FSIP2: variants seen among roughly 807,000 people sequenced by gnomAD.
FSIP2 encodes the protein fibrous sheath-interacting protein 2.
Under a neutral mutation model 510.5 loss-of-function variants are expected in FSIP2, and 367 were observed. The ratio of observed to expected loss-of-function variants is 0.72; its 90% CI spans 0.66 to 0.78. FSIP2 has a LOEUF of 0.78. FSIP2 is among the 30% of genes least tolerant of loss of function. The probability of loss-of-function intolerance (pLI) is 0.00; values close to 1 mark genes in which losing one functional copy is unlikely to be tolerated. For synonymous variants in FSIP2, 2,601 were observed against 2,732.2 expected, an observed-to-expected ratio of 0.95 and a Z score of 1.50; for missense variants, 7,594 against 7,901.7, an observed-to-expected ratio of 0.96 and a Z score of 1.48.
At chr2:185,818,543 A>T (rs1693863531) in intron 19 of FSIP2, among the ~76,000 whole-genome samples, 1 of 151,846 alleles carries the variant, frequency 6.6e-6, no homozygotes. Context: ...CTGTCAGAAG[A>T]CAAAGATAAT....
At chr2:185,754,438 T>C (rs1164191303) in intron 8 of FSIP2, among the ~76,000 whole-genome samples, 1 of 151,486 alleles carries the variant, frequency 6.6e-6, no homozygotes, top group East Asian at 1.9e-4. Flanking sequence ...AGAAACTGAT[T>C]ATTTTCCATG....
At chr2:185,756,066 C>A in intron 8 of FSIP2, 126 bp from the exon 9 acceptor site, 1 of 361,058 alleles carries the variant, frequency 2.8e-6, no homozygotes, top group Non-Finnish European at 5.0e-6. Flanking sequence ...CAATTTTTCT[C>A]GCAATCCCAC....
intron 16 of FSIP2, among the ~76,000 whole-genome samples, chr2:185,798,823 T>C (rs1693358894): frequency 6.6e-6 from 1 of 151,848 alleles, no homozygotes; most frequent in Non-Finnish European, 1.5e-5. Context: ...ATTCCTATTC[T>C]CAGACATCTC....
chr2:185,802,683 A>T lies in FSIP2; in HGVS notation c.13377A>T (p.Leu4459=). Residue 4459 remains leucine (L), a synonymous_variant, in exon 17 of 23, where the codon CTA becomes CTT. Coordinates refer to ENST00000424728, the MANE Select transcript of FSIP2 (RefSeq NM_173651.4). ...CTGAGCCAAGCCAGAGTGTACCTCT[A>T]TATAACACCTTGCTGCCATACACAT... The part of the protein sequence containing the change: ...KSTEPSQSVP[L]YNTLLPYTFL... The T allele has an allele frequency of 2.0e-6, 3 of 1,531,586 alleles. No individual in the cohort carries two copies. The highest frequency in any genetic ancestry group is 2.6e-6 in the Non-Finnish European group (3 of 1,144,696). 94.9% of individuals were successfully genotyped at this position (1,531,586 alleles called of 1,614,324 possible).
intron 20 of FSIP2, among the ~76,000 whole-genome samples, chr2:185,825,480 T>G (rs1473748032): frequency 1.3e-5 from 2 of 151,706 alleles, no homozygotes; most frequent in Non-Finnish European, 2.9e-5. Flanking sequence ...GGGTATAATA[T>G]TCACTATTTG....
chr2:185,788,956 A>C lies in FSIP2; in HGVS notation c.1820A>C (p.Glu607Ala), dbSNP rs1304896012. 3.3e-6 allele frequency: 5 copies of C among 1,534,866 alleles called. No homozygotes were observed. The South Asian group carries it at 3.6e-5, about 11-fold the overall frequency. The change falls in exon 16 of 23, where the codon GAA (glutamate) becomes GCA (alanine). Residue 607 changes from glutamate to alanine, a missense_variant. Coordinates refer to ENST00000424728, the MANE Select transcript of FSIP2 (RefSeq NM_173651.4). ...ATAAAACCTCCTCCTGCACATGTGG[A>C]AAAAACAGTTGTGGGGAAAACATGT... Reference protein sequence around the residue: ...TPIKPPPAHVEKTVVGKTCHI... With the variant: ...TPIKPPPAHVAKTVVGKTCHI...
chr2:185,739,584 A>G (rs1384048564), intron 2 of FSIP2, 113 bp downstream of exon 2: 3 of 1,008,630 alleles, frequency 3.0e-6, no homozygotes, highest in African/African-American at 3.3e-5. Context: ...ATTTACAGGA[A>G]AAAGAAAATC....
Position 185,806,760 on chromosome 2 carries a change from G to T in FSIP2, c.17454G>T (p.Lys5818Asn). ...IQDRCQNVSD[K>N]QNQAKLYDTA... Reference sequence around the variant, plus strand: ...ATAGATGTCAAAATGTTAGTGATAAGCAAAATCAAGCCAAACTCTATGACA... The same window carrying T: ...ATAGATGTCAAAATGTTAGTGATAATCAAAATCAAGCCAAACTCTATGACA... Residue 5818 changes from lysine to asparagine, a missense_variant, in exon 17 of 23, where the codon AAG becomes AAT. Physicochemically the swap from Lys to Asn is moderately conservative, Grantham distance 94. Transcript: ENST00000424728. 1.2e-6 allele frequency: 2 copies of T among 1,611,606 alleles called. No individual in the cohort carries two copies. The highest frequency in any genetic ancestry group is 1.7e-6 in the Non-Finnish European group (2 of 1,178,562).
At position 185,813,714 on chromosome 2, in the gene FSIP2, A is replaced by G; in HGVS notation, c.19997A>G (p.Asp6666Gly). The change falls in exon 18 of 23, where the codon GAT becomes GGT. Residue 6666 changes from aspartate (D) to glycine (G), a missense_variant. Coordinates refer to ENST00000424728, the MANE Select transcript of FSIP2 (RefSeq NM_173651.4). ...AAAGAGGAACGAGATTCTGATGAAG[A>G]TGAAGTTGTTTTAACACAGACTTTT... ...YIKEERDSDEDEVVLTQTFAK... is the reference protein window; with the variant it reads ...YIKEERDSDEGEVVLTQTFAK... The G allele has an allele frequency of 6.2e-7, 1 of 1,610,806 alleles. No individual in the cohort carries two copies. The highest frequency in any genetic ancestry group is 8.5e-7 in the Non-Finnish European group (1 of 1,178,172).
In FSIP2 at chr2:185,793,996, C is replaced by A; in HGVS notation, c.6860C>A (p.Pro2287Gln). The A allele has an allele frequency of 6.5e-7, 1 of 1,532,962 alleles. No homozygotes were observed. The highest frequency in any genetic ancestry group is 8.7e-7 in the Non-Finnish European group (1 of 1,144,844). The allele number at this position is 1,532,962 out of a possible 1,614,324, so 95.0% of individuals were successfully genotyped here. Reference sequence around the variant, plus strand: ...AGTAAAGAAAAGTCATTTGTTATCCCAGAATTGGAAAATTGTAAACAAAAT... The same window carrying A: ...AGTAAAGAAAAGTCATTTGTTATCCAAGAATTGGAAAATTGTAAACAAAAT... ...FQSKEKSFVI[P>Q]ELENCKQNDS... The change falls in exon 16 of 23, where the codon CCA becomes CAA. Residue 2287 changes from proline to glutamine, a missense_variant. By Grantham distance (76) the Pro-to-Gln change is moderately conservative. Coordinates refer to ENST00000424728, the MANE Select transcript of FSIP2 (RefSeq NM_173651.4).
At chr2:185,779,203 T>C (rs1692791207) in intron 13 of FSIP2, among the ~76,000 whole-genome samples, 1 of 152,062 alleles carries the variant, frequency 6.6e-6, no homozygotes, top group Admixed American at 6.5e-5. Context: ...GGAAGTTTTC[T>C]ACTGCCTTAT....
Position 185,789,505 on chromosome 2 carries a change from T to C in FSIP2, c.2369T>C (p.Leu790Ser), listed in dbSNP as rs750647506. The change falls in exon 16 of 23, where the codon TTA (leucine) becomes TCA (serine). Residue 790 changes from leucine (L) to serine (S), a missense_variant. Physicochemically the swap from Leu to Ser is moderately radical, Grantham distance 145. Coordinates refer to ENST00000424728, the MANE Select transcript of FSIP2 (RefSeq NM_173651.4). Reference protein sequence around the residue: ...QDLSVDIKPSLAASDELLTSS... With the variant: ...QDLSVDIKPSSAASDELLTSS... Reference sequence around the variant, plus strand: ...TTGTCAGTCGACATTAAACCAAGTTTAGCAGCCAGTGATGAACTTCTCACA... The same window carrying C: ...TTGTCAGTCGACATTAAACCAAGTTCAGCAGCCAGTGATGAACTTCTCACA... 1 of 1,534,642 alleles carries C rather than the reference T, an allele frequency of 6.5e-7. No homozygotes were observed. The highest frequency in any genetic ancestry group is 1.2e-5 in the South Asian group (1 of 84,030).
At chr2:185,747,606 C>T (rs1692059716) in intron 7 of FSIP2, among the ~76,000 whole-genome samples, 183 bp downstream of exon 7, 1 of 151,934 alleles carries the variant, frequency 6.6e-6, no homozygotes, top group African/African-American at 2.4e-5. Context: ...AAGTACTGCT[C>T]TATTATGTGA....
At chr2:185,769,213 G>A (rs1424696826) in intron 13 of FSIP2, among the ~76,000 whole-genome samples, 1 of 152,028 alleles carries the variant, frequency 6.6e-6, no homozygotes, top group South Asian at 2.1e-4. Context: ...ATCATCACAC[G>A]ACTTTCCACA....
In FSIP2 at chr2:185,812,386, C is replaced by T. The variant is rs538820179; in HGVS notation, c.19828-1159C>T. Among the ~76,000 whole-genome samples, 628 of 152,206 alleles carry T rather than the reference C, an allele frequency of 4.1e-3. 5 individuals carry two copies. Among genetic ancestry groups the T allele is most frequent in the African/African-American group, 0.015 (604 of 41,572 alleles). On this transcript the variant is annotated intron_variant, in intron 17 of 22. Coordinates refer to ENST00000424728, the MANE Select transcript of FSIP2 (RefSeq NM_173651.4). Reference sequence around the variant, plus strand: ...CTCCCGTTTCAAACATGAATGTTTGCCCAATGCCTGTACCTCCATTGTATC... The same window carrying T: ...CTCCCGTTTCAAACATGAATGTTTGTCCAATGCCTGTACCTCCATTGTATC...
Position 185,801,596 on chromosome 2 carries a change from A to C in FSIP2, c.12290A>C (p.Lys4097Thr). 2 of 1,534,036 alleles carry C rather than the reference A, an allele frequency of 1.3e-6. No homozygotes were observed. Among genetic ancestry groups the C allele is most frequent in the Non-Finnish European group, 1.7e-6 (2 of 1,145,534 alleles). ...ILDYKLPSCF[K>T]EHLIPHSYYP... ...GACTACAAACTGCCATCTTGCTTCA[A>C]GGAACATCTCATACCCCATTCATAT... is the stretch of plus-strand genomic sequence containing the variant. The change falls in exon 17 of 23, where the codon AAG (lysine) becomes ACG (threonine). Residue 4097 changes from lysine (K) to threonine (T), a missense_variant. Transcript: ENST00000424728.
intron 19 of FSIP2, among the ~76,000 whole-genome samples, chr2:185,822,162 CA>C (rs1177566420): frequency 6.6e-6 from 1 of 151,446 alleles, no homozygotes; most frequent in Non-Finnish European, 1.5e-5. Flanking sequence ...CAGGGACAAA[CA>C]AAAAAACAAT....
intron 7 of FSIP2, among the ~76,000 whole-genome samples, chr2:185,749,894 A>G (rs1278808758): frequency 1.3e-5 from 2 of 151,722 alleles, no homozygotes; most frequent in Non-Finnish European, 1.5e-5. Flanking sequence ...TTTGTCAAAC[A>G]TTTTCTTCTG....
At position 185,746,766 on chromosome 2, in the gene FSIP2, G is replaced by A; in HGVS notation, c.715G>A (p.Glu239Lys). ...GGATAGAGAAGAAAGACGACAGCGG[G>A]AACACACAAGAAGAAAACTTACTCT... is the stretch of plus-strand genomic sequence containing the variant. ...LMDREERRQR[E>K]HTRRKLTLRR... The change falls in exon 6 of 23, where the codon GAA becomes AAA. Residue 239 changes from glutamate to lysine, a missense_variant. Transcript: ENST00000424728. 6.5e-7 allele frequency: 1 copy of A among 1,529,346 alleles called. No homozygotes were observed. Among genetic ancestry groups the A allele is most frequent in the Non-Finnish European group, 8.7e-7 (1 of 1,144,296 alleles). 94.7% of individuals were successfully genotyped at this position (1,529,346 alleles called of 1,614,324 possible).
Sources: gnomAD v4.1 joint callset for allele counts (sites outside exome capture counted in the v4.1 genomes callset) on GRCh38, gnomAD v4.1.1 for gene constraint, MANE v1.5 for transcripts, NCBI Gene and HGNC (gene_info 2026-07-23, HGNC 2026-07-21) for gene names.